The following TMCO5A variants were observed in gnomAD, a reference collection of about 807,000 sequenced individuals.
The protein encoded by TMCO5A is transmembrane and coiled-coil domain-containing protein 5A.
A neutral mutation model predicts 42.3 loss-of-function variants in TMCO5A; 34 were observed. The ratio of observed to expected loss-of-function variants is 0.80; its 90% CI spans 0.61 to 1.07. The LOEUF (loss-of-function observed/expected upper bound fraction) is 1.07. Among genes scored for constraint, TMCO5A ranks in the 50% least tolerant of loss-of-function variants. The pLI is 0.00. For synonymous variants in TMCO5A, 131 were observed against 115.6 expected, an observed-to-expected ratio of 1.13 and a Z score of -0.86; for missense variants, 357 against 327.9, an observed-to-expected ratio of 1.09 and a Z score of -0.69.
At chr15:37,964,883 G>A (rs1051232419) in intron 11 of TMCO5A, among the ~76,000 whole-genome samples, 4 of 151,882 alleles carry the variant, frequency 2.6e-5, no homozygotes, top group East Asian at 1.9e-4. Flanking sequence ...AAATACCAAC[G>A]ACATTCTTCA....
the TMCO5A span, chr15:38,039,875 G>C: frequency 6.6e-6 from 1 of 152,176 alleles, no homozygotes; most frequent in Non-Finnish European, 1.5e-5. Flanking sequence ...CTGGTCCTCT[G>C]CTCAGTTTCA....
At chr15:37,952,514 G>A (rs1474027675), downstream of TMCO5A, among the ~76,000 whole-genome samples, 1 of 152,100 alleles carries the variant, frequency 6.6e-6, no homozygotes, top group African/African-American at 2.4e-5. Context: ...GTCCTGGAAG[G>A]ACACATCACC....
At chr15:37,971,123 C>A (rs1052800189), downstream of TMCO5A, among the ~76,000 whole-genome samples, 1 of 152,206 alleles carries the variant, frequency 6.6e-6, no homozygotes, top group East Asian at 1.9e-4. Context: ...TCCATGAGGA[C>A]CCCGCCCCTG....
chr15:37,961,188 TC>T (rs1452562899), intron 11 of TMCO5A, among the ~76,000 whole-genome samples: 63 of 152,282 alleles, frequency 4.1e-4, no homozygotes, highest in African/African-American at 1.5e-3. Context: ...TAGATTTAAG[TC>T]CTTAATCCAT....
chr15:37,947,610 T>C (rs546655893), intron 10 of TMCO5A, 46 bp from the exon 11 acceptor site: 2 of 1,262,178 alleles, frequency 1.6e-6, no homozygotes, highest in South Asian at 2.5e-5. Context: ...ATGATGATAA[T>C]AGCCTCCAGA....
chr15:37,939,418 G>T (rs1461691371), intron 6 of TMCO5A, among the ~76,000 whole-genome samples: 1 of 152,052 alleles, frequency 6.6e-6, no homozygotes, highest in African/African-American at 2.4e-5. Flanking sequence ...AAATTAGGAA[G>T]AGCTATAAAG....
the TMCO5A span, among the ~76,000 whole-genome samples, chr15:37,991,734 C>T: frequency 3.3e-5 from 5 of 152,008 alleles, no homozygotes; most frequent in Non-Finnish European, 7.4e-5. Flanking sequence ...TTTGACAAAG[C>T]TGACAAAAAC....
the TMCO5A span, among the ~76,000 whole-genome samples, chr15:37,990,804 A>G: frequency 3.3e-4 from 50 of 151,878 alleles, no homozygotes; most frequent in African/African-American, 1.2e-3. Context: ...AGCCATTTTT[A>G]TGATTACTAT....
exon 12 of TMCO5A, chr15:37,966,770 T>C: frequency 1.4e-6 from 1 of 696,150 alleles, no homozygotes; most frequent in Non-Finnish European, 2.6e-6. Context: ...CTATCTGAGG[T>C]CAATTGCCTA....
chr15:37,980,128 A>T, the TMCO5A span, among the ~76,000 whole-genome samples: 1 of 152,272 alleles, frequency 6.6e-6, no homozygotes, highest in African/African-American at 2.4e-5. Flanking sequence ...TGCAGAGGCC[A>T]GAGAGTTCAG....
chr15:37,983,206 C>T, the TMCO5A span, among the ~76,000 whole-genome samples: 3 of 152,160 alleles, frequency 2.0e-5, no homozygotes, highest in Admixed American at 2.0e-4. Context: ...TGATAATGTT[C>T]CATTTATGGG....
chr15:37,953,088 G>T (rs1336332757), downstream of TMCO5A, among the ~76,000 whole-genome samples: 1 of 152,142 alleles, frequency 6.6e-6, no homozygotes, highest in African/African-American at 2.4e-5. Flanking sequence ...CTTGACTCTA[G>T]ACCCTGGCCC....
At chr15:37,975,797 G>C in the TMCO5A span, among the ~76,000 whole-genome samples, 7 of 151,216 alleles carry the variant, frequency 4.6e-5, 1 homozygote, top group African/African-American at 1.7e-4. Flanking sequence ...AGACTTGATT[G>C]CCTAGGCTGC....
chr15:37,958,971 G>A (rs142192305), intron 11 of TMCO5A, among the ~76,000 whole-genome samples: 179 of 152,096 alleles, frequency 1.2e-3, no homozygotes, highest in Admixed American at 2.6e-3. Flanking sequence ...ACTTTGCAGG[G>A]CCATGGATGA....
the TMCO5A span, among the ~76,000 whole-genome samples, chr15:38,039,492 T>C: frequency 6.6e-6 from 1 of 152,214 alleles, no homozygotes; most frequent in Non-Finnish European, 1.5e-5. Context: ...GATCTTTTAG[T>C]GACTCTTTTT....
the TMCO5A span, among the ~76,000 whole-genome samples, chr15:37,981,873 C>T: frequency 2.6e-5 from 4 of 152,132 alleles, no homozygotes; most frequent in African/African-American, 9.7e-5. Flanking sequence ...CAGCAGCTGG[C>T]CTTCCCAACA....
chr15:37,936,863 A>T lies in TMCO5A; in HGVS notation c.157A>T (p.Ile53Phe), dbSNP rs1350181345. The T allele has an allele frequency of 6.2e-7, 1 of 1,611,958 alleles. No individual in the cohort carries two copies. Among genetic ancestry groups the T allele is most frequent in the East Asian group, 2.2e-5 (1 of 44,746 alleles). ...GTTGTCCAGGCTGGAAAGTGAGATC[A>T]TTCAGACGCGGGGCCTGGTGGAAGA... ...DKIQRLESEI[I>F]QTRGLVEDEE... Residue 53 changes from isoleucine to phenylalanine, a missense_variant, in exon 4 of 12, where the codon ATT becomes TTT. Physicochemically the swap from Ile to Phe is conservative, Grantham distance 21. Coordinates refer to ENST00000319669, the MANE Select transcript of TMCO5A (RefSeq NM_152453.4).
At chr15:38,004,811 A>G in the TMCO5A span, 1 of 152,168 alleles carries the variant, frequency 6.6e-6, no homozygotes, top group Non-Finnish European at 1.5e-5. Context: ...TACCTCTTCC[A>G]GTGATGTGAA....
chr15:37,936,735 C>A, intron 3 of TMCO5A, 112 bp from the exon 4 acceptor site: 1 of 1,446,284 alleles, frequency 6.9e-7, no homozygotes, highest in Non-Finnish European at 9.3e-7. Flanking sequence ...GAGTTTTCAG[C>A]TTGAGATTCA....
Sources: gnomAD v4.1 joint callset for allele counts (sites outside exome capture counted in the v4.1 genomes callset) on GRCh38, gnomAD v4.1.1 for gene constraint, MANE v1.5 for transcripts, NCBI Gene and HGNC (gene_info 2026-07-23, HGNC 2026-07-21) for gene names.